The following UQCRC1 variants were observed in gnomAD, a reference collection of about 807,000 sequenced individuals.
The protein encoded by UQCRC1 is cytochrome b-c1 complex subunit 1, mitochondrial.
In UQCRC1, 34 loss-of-function variants were observed where a neutral mutation model predicts 58.0. That is an observed-to-expected ratio of 0.59 (90% CI 0.45 to 0.78). UQCRC1 has a LOEUF of 0.78. Ranked by LOEUF, UQCRC1 falls within the 30% of genes least tolerant of loss-of-function variation. UQCRC1 has a pLI of 0.00. For missense variants in UQCRC1, 610 were observed against 646.0 expected, an observed-to-expected ratio of 0.94 and a Z score of 0.60; for synonymous variants, 276 against 248.8, an observed-to-expected ratio of 1.11 and a Z score of -1.03.
rs557762394 is a variant in UQCRC1 at position 48,604,205 on chromosome 3, T to TC, written c.626+27dup. 61 of 1,609,372 alleles carry TC rather than the reference T, an allele frequency of 3.8e-5. No individual in the cohort carries two copies. The African/African-American group carries it at 6.4e-4, about 17-fold the overall frequency. On this transcript the variant is annotated intron_variant, in intron 5 of 12. Transcript: ENST00000203407. Reference sequence around the variant, plus strand: ...TGGCCAGGCCAGAATGGAGCAAGCATCCCCCCACAAGGCCAGCCAACTCTC... The same window carrying TC: ...TGGCCAGGCCAGAATGGAGCAAGCATCCCCCCCACAAGGCCAGCCAACTCTC...
rs200581962 is a variant in UQCRC1, at chr3:48,604,333, C to T, written c.526G>A (p.Asp176Asn). 2 of 1,614,078 alleles carry T rather than the reference C, an allele frequency of 1.2e-6. No homozygotes were observed. Among genetic ancestry groups the T allele is most frequent in the Non-Finnish European group, 8.5e-7 (1 of 1,179,972 alleles). Residue 176 changes from aspartate to asparagine, a missense_variant, in exon 5 of 13, where the codon GAT becomes AAT. Coordinates refer to ENST00000203407, the MANE Select transcript of UQCRC1 (RefSeq NM_003365.3). ...AAGACCACATCTCGCATAGATGCAT[C>T]ATTCTCCTGCATCTCCCGCAGGATC... ...DVILREMQEN[D>N]ASMRDVVFNY...
In UQCRC1 at chr3:48,604,446, G is replaced by A. The variant is rs776295227; in HGVS notation, c.428-15C>T. ...GAGCTCCACAGCTAGATGCAAGGAG[G>A]ACATGTTTAGGTGCCAGGTGGACCA... On this transcript the variant is annotated splice_polypyrimidine_tract_variant and intron_variant, in intron 4 of 12. Transcript: ENST00000203407. 5 of 1,612,552 alleles carry A rather than the reference G, an allele frequency of 3.1e-6. No individual in the cohort carries two copies. Among genetic ancestry groups the A allele is most frequent in the South Asian group, 1.1e-5 (1 of 91,050 alleles).
At chr3:48,599,548 G>A (rs966102361) in intron 12 of UQCRC1, 87 bp downstream of exon 12, 3 of 1,444,432 alleles carry the variant, frequency 2.1e-6, no homozygotes, top group South Asian at 2.3e-5. Context: ...TGTAAGCTGA[G>A]CAGCAGTGCG....
At position 48,601,113 on chromosome 3, in the gene UQCRC1, G is replaced by A. The variant is rs374078744; in HGVS notation, c.828C>T (p.Arg276=). Residue 276 remains arginine (R), a synonymous_variant, in exon 8 of 13, where the codon CGC becomes CGT. Coordinates refer to ENST00000203407, the MANE Select transcript of UQCRC1 (RefSeq NM_003365.3). ...TPCRFTGSEI[R]HRDDALPFAH... Reference sequence around the variant, plus strand: ...CAAAAGGTAGAGCATCATCACGGTGGCGGATCTGAAACAGTACATGACAAG... The same window carrying A: ...CAAAAGGTAGAGCATCATCACGGTGACGGATCTGAAACAGTACATGACAAG... 2 of 1,599,886 alleles carry A rather than the reference G, an allele frequency of 1.3e-6. No homozygotes were observed. Among genetic ancestry groups the A allele is most frequent in the South Asian group, 1.1e-5 (1 of 90,058 alleles).
rs569834408 is a variant in UQCRC1 at position 48,599,065 on chromosome 3, G to C, written c.*63C>G. 6.3e-7 allele frequency: 1 copy of C among 1,590,412 alleles called. No homozygotes were observed. Among genetic ancestry groups the C allele is most frequent in the Non-Finnish European group, 8.6e-7 (1 of 1,162,446 alleles). The stretch of plus-strand genomic sequence containing the variant: ...CAGGTTAGAGGAGCCGAAGTGCTGT[G>C]TTTGTGGTGGGGGGGGGACCACAAA... On this transcript the variant is annotated 3_prime_UTR_variant, in exon 13 of 13. Coordinates refer to ENST00000203407, the MANE Select transcript of UQCRC1 (RefSeq NM_003365.3).
At chr3:48,599,981 C>T (rs2046348416) in intron 11 of UQCRC1, 82 bp downstream of exon 11, 13 of 1,543,940 alleles carry the variant, frequency 8.4e-6, no homozygotes, top group South Asian at 2.3e-5. Flanking sequence ...GAGCAGGCTG[C>T]GCTATGCCAG....
chr3:48,609,611 A>C lies in UQCRC1; in HGVS notation c.10T>G (p.Ser4Ala), dbSNP rs1020021235. 37 of 1,568,354 alleles carry C rather than the reference A, an allele frequency of 2.4e-5. No homozygotes were observed. Among genetic ancestry groups the C allele is most frequent in the Admixed American group, 7.2e-5 (4 of 55,826 alleles). Residue 4 changes from serine (S) to alanine (A), a missense_variant, in exon 1 of 13, where the codon TCC (serine) becomes GCC (alanine). Coordinates refer to ENST00000203407, the MANE Select transcript of UQCRC1 (RefSeq NM_003365.3). The stretch of plus-strand genomic sequence containing the variant: ...GCGGTAGCGGCCCGACAGACCACGG[A>C]CGCCGCCATCTTCCAGCTGCAGTCG... Reference protein sequence around the residue: MAASVVCRAATAGA... With the variant: MAAAVVCRAATAGA...
At chr3:48,599,572 A>G in intron 12 of UQCRC1, 63 bp downstream of exon 12, 1 of 1,568,840 alleles carries the variant, frequency 6.4e-7, no homozygotes, top group Non-Finnish European at 8.8e-7. Context: ...GCAGAGGTGG[A>G]AGGGGAGGCC....
Position 48,601,422 on chromosome 3 carries a change from C to T in UQCRC1, c.752G>A (p.Gly251Asp). ...CTCTGCATATGTCCATGGGATGCCA[C>T]CGAGGTGCTTCTGGGCGAGGTCTAA... ...QLLDLAQKHL[G>D]GIPWTYAEDA... Residue 251 changes from glycine to aspartate, a missense_variant, in exon 7 of 13, where the codon GGT (glycine) becomes GAT (aspartate). Transcript: ENST00000203407. 1 of 1,614,178 alleles carries T rather than the reference C, an allele frequency of 6.2e-7. No homozygotes were observed. Among genetic ancestry groups the T allele is most frequent in the Non-Finnish European group, 8.5e-7 (1 of 1,180,032 alleles).
chr3:48,607,772 A>C (rs564531239), intron 2 of UQCRC1, among the ~76,000 whole-genome samples: 3 of 152,180 alleles, frequency 2.0e-5, no homozygotes, highest in Admixed American at 2.0e-4. Flanking sequence ...TAGTCAAATC[A>C]GGGATTCTGA....
At chr3:48,601,492 C>T (rs1559456078) in intron 6 of UQCRC1, 25 bp from the exon 7 acceptor site, 1 of 1,609,678 alleles carries the variant, frequency 6.2e-7, no homozygotes, top group Middle Eastern at 1.7e-4. Context: ...AGTGGCATTA[C>T]TGACCAGCCA....
At chr3:48,604,629 C>T (rs931829373) in intron 4 of UQCRC1, 22 bp downstream of exon 4, 21 of 1,613,850 alleles carry the variant, frequency 1.3e-5, no homozygotes, top group Non-Finnish European at 1.4e-5. Flanking sequence ...CCTCTGTCCC[C>T]GCCTCTTCCT....
In UQCRC1 at chr3:48,599,187, T is replaced by C. The variant is rs1206429242; in HGVS notation, c.1384A>G (p.Ile462Val). ...CGGTTGTAGTCTGGGAGCTGCTCAA[T>C]GGGGCCTGTGGGGATAGGGTGGAGC... ...QCPAVAGYGP[I>V]EQLPDYNRIR... Residue 462 changes from isoleucine to valine, a missense_variant, in exon 13 of 13, where the codon ATT (isoleucine) becomes GTT (valine). Physicochemically the swap from Ile to Val is conservative, Grantham distance 29. Coordinates refer to ENST00000203407, the MANE Select transcript of UQCRC1 (RefSeq NM_003365.3). 6.2e-7 allele frequency: 1 copy of C among 1,602,318 alleles called. No homozygotes were observed. Among genetic ancestry groups the C allele is most frequent in the Non-Finnish European group, 8.5e-7 (1 of 1,172,258 alleles).
At chr3:48,603,923 C>T in intron 5 of UQCRC1, 1 of 582,786 alleles carries the variant, frequency 1.7e-6, no homozygotes, top group Non-Finnish European at 3.1e-6. Context: ...CTCAAAAGGG[C>T]AGCATCAAAG....
intron 6 of UQCRC1, among the ~76,000 whole-genome samples, chr3:48,602,574 G>A (rs1484345358): frequency 6.7e-6 from 1 of 150,026 alleles, no homozygotes; most frequent in Non-Finnish European, 1.5e-5. Context: ...GCAGGCCGGA[G>A]TGCAGTGGTA....
rs754920677 is a variant in UQCRC1 at position 48,604,756 on chromosome 3, C to T, written c.322G>A (p.Ala108Thr). The T allele has an allele frequency of 3.7e-6, 6 of 1,614,012 alleles. No individual in the cohort carries two copies. The Admixed American group carries it at 6.7e-5, about 18-fold the overall frequency. ...FKGTKNRPGSALEKEVESMGA... is the reference protein window; with the variant it reads ...FKGTKNRPGSTLEKEVESMGA... Reference sequence around the variant, plus strand: ...ATGCTCTCCACCTCCTTCTCCAGGGCACTGCCAGGCCGATTCTTTGTTCCC... The same window carrying T: ...ATGCTCTCCACCTCCTTCTCCAGGGTACTGCCAGGCCGATTCTTTGTTCCC... The change falls in exon 4 of 13, where the codon GCC becomes ACC. Residue 108 changes from alanine (A) to threonine (T), a missense_variant. Transcript: ENST00000203407.
chr3:48,602,308 C>T (rs1306215412), intron 6 of UQCRC1, among the ~76,000 whole-genome samples: 4 of 152,040 alleles, frequency 2.6e-5, no homozygotes, highest in Admixed American at 2.6e-4. Flanking sequence ...GCCTCGGCCT[C>T]CCAAAGTGCT....
intron 6 of UQCRC1, among the ~76,000 whole-genome samples, chr3:48,602,103 C>T (rs1270976427): frequency 6.7e-6 from 1 of 150,242 alleles, no homozygotes; most frequent in Non-Finnish European, 1.5e-5. Flanking sequence ...CAGGCTGGAG[C>T]ACAGTGGTGC....
rs1328278157 is a variant in UQCRC1, at chr3:48,609,311, G to A, written c.70-9C>T. 6.3e-7 allele frequency: 1 copy of A among 1,599,742 alleles called. No homozygotes were observed. The highest frequency in any genetic ancestry group is 8.5e-7 in the Non-Finnish European group (1 of 1,169,938). ...GTCCGCAGCAGGGCCGGCTGTGGAAGGGAACAGCCGCGAGTGAGGACTCGG... is the reference window on the plus strand; with the variant it reads ...GTCCGCAGCAGGGCCGGCTGTGGAAAGGAACAGCCGCGAGTGAGGACTCGG... On this transcript the variant is annotated splice_polypyrimidine_tract_variant and intron_variant, in intron 1 of 12. Coordinates refer to ENST00000203407, the MANE Select transcript of UQCRC1 (RefSeq NM_003365.3).
Sources: allele counts gnomAD v4.1 joint callset (sites outside exome capture counted in the v4.1 genomes callset), GRCh38; gene constraint gnomAD v4.1.1; transcripts MANE v1.5; gene names NCBI Gene and HGNC (gene_info 2026-07-23, HGNC 2026-07-21).